Variants in GSK3B observed in about 807,000 individuals in gnomAD.
The protein encoded by GSK3B is glycogen synthase kinase-3 beta.
GSK3B carries 15 observed loss-of-function variants against 56.4 expected under a neutral mutation model. The observed-to-expected ratio is 0.27, with a 90% CI of 0.18 to 0.41. The LOEUF is 0.41. Among genes scored for constraint, GSK3B ranks in the 10% least tolerant of loss-of-function variants. GSK3B has a pLI of 1.00. For missense variants in GSK3B, 300 were observed against 513.4 expected (o/e 0.58, Z 4.02); for synonymous variants, 181 against 188.9 (o/e 0.96, Z 0.34).
At chr3:120,007,795 A>T (rs1576266786) in intron 1 of GSK3B, among the ~76,000 whole-genome samples, 1 of 152,224 alleles carries the variant, frequency 6.6e-6, no homozygotes, top group South Asian at 2.1e-4. Context: ...TTTATGACAA[A>T]CCAACAGCCA....
At chr3:120,000,381 T>C (rs2057664271) in intron 2 of GSK3B, among the ~76,000 whole-genome samples, 1 of 152,144 alleles carries the variant, frequency 6.6e-6, no homozygotes, top group African/African-American at 2.4e-5. Flanking sequence ...TTTGACAACA[T>C]GAGACTAGTA....
intron 10 of GSK3B, among the ~76,000 whole-genome samples, chr3:119,831,734 A>G (rs2055603707): frequency 6.6e-6 from 1 of 152,134 alleles, no homozygotes; most frequent in African/African-American, 2.4e-5. Context: ...CTTTATTTTC[A>G]GTATGGGGTG....
Position 119,863,625 on chromosome 3 carries a change from A to C in GSK3B, c.910-20T>G, listed in dbSNP as rs776672790. 1 of 1,501,002 alleles carries C rather than the reference A, an allele frequency of 6.7e-7. No homozygotes were observed. Among genetic ancestry groups the C allele is most frequent in the Non-Finnish European group, 9.3e-7 (1 of 1,080,418 alleles). The allele number at this position is 1,501,002 out of a possible 1,614,324, so 93.0% of individuals were successfully genotyped here. A position where few individuals can be genotyped will look rare whatever the true frequency, so the allele number is the denominator to read the frequency against. On this transcript the variant is annotated intron_variant, in intron 8 of 10. Transcript: ENST00000264235. The stretch of plus-strand genomic sequence containing the variant: ...GAAGACCTGCAGTACAAAAAAAGGG[A>C]AAGAACAATTAATGTTTTATTTTAA...
In GSK3B at chr3:120,094,317, C is replaced by A; in HGVS notation, c.-883G>T. The A allele has an allele frequency of 3.7e-6, 1 of 270,294 alleles. No individual in the cohort carries two copies. Among genetic ancestry groups the A allele is most frequent in the South Asian group, 6.0e-5 (1 of 16,578 alleles). The allele number at this position is 270,294 out of a possible 1,614,324, so 16.7% of individuals were successfully genotyped here. The stretch of plus-strand genomic sequence containing the variant: ...GAAGTGTCCGCGCTTTGCCCCAGCC[C>A]AGAGCCCTGTCAGCGGCTGCGGGGC... On this transcript the variant is annotated 5_prime_UTR_variant, in exon 1 of 11. Transcript: ENST00000264235.
At chr3:119,910,321 C>T (rs545712166) in intron 6 of GSK3B, among the ~76,000 whole-genome samples, 3 of 152,132 alleles carry the variant, frequency 2.0e-5, no homozygotes, top group South Asian at 4.2e-4. Context: ...GGTTCCAGAC[C>T]ATAACAATAA....
At chr3:119,831,803 G>A (rs538152656) in intron 10 of GSK3B, among the ~76,000 whole-genome samples, 1 of 152,298 alleles carries the variant, frequency 6.6e-6, no homozygotes, top group African/African-American at 2.4e-5. Flanking sequence ...TGACTTTGAA[G>A]CTTCCTATAA....
chr3:119,991,862 A>C (rs2057569830), intron 2 of GSK3B, among the ~76,000 whole-genome samples: 1 of 152,092 alleles, frequency 6.6e-6, no homozygotes, highest in Non-Finnish European at 1.5e-5. Flanking sequence ...ATGTAGAATA[A>C]AAAACAAGAA....
At chr3:119,988,195 G>A (rs2057534037) in intron 2 of GSK3B, among the ~76,000 whole-genome samples, 1 of 152,158 alleles carries the variant, frequency 6.6e-6, no homozygotes, top group African/African-American at 2.4e-5. Flanking sequence ...AGCATGACAG[G>A]AATTAATTCC....
intron 2 of GSK3B, among the ~76,000 whole-genome samples, chr3:119,970,613 T>TAAA (rs1170925404): frequency 2.6e-5 from 3 of 114,284 alleles, no homozygotes; most frequent in Admixed American, 9.3e-5. Flanking sequence ...CTACTAAAAT[T>TAAA]AAAAAAAAAA....
chr3:120,022,643 G>C (rs1391008689), intron 1 of GSK3B, among the ~76,000 whole-genome samples: 2 of 152,090 alleles, frequency 1.3e-5, no homozygotes, highest in Admixed American at 6.5e-5. Context: ...ATTCAAATAG[G>C]GCAAGTCCAA....
chr3:120,019,490 T>G (rs763141534), intron 1 of GSK3B, among the ~76,000 whole-genome samples: 1 of 152,224 alleles, frequency 6.6e-6, no homozygotes, highest in African/African-American at 2.4e-5. Flanking sequence ...ATGAAATCTA[T>G]CTCAAACAAT....
rs1025945315 is a variant in GSK3B at position 119,825,113 on chromosome 3, C to T, written c.*1675G>A. On this transcript the variant is annotated 3_prime_UTR_variant, in exon 11 of 11. Coordinates refer to ENST00000264235, the MANE Select transcript of GSK3B (RefSeq NM_001146156.2). ...GGAAGGAGCGGGTAGGAGGGAAAGG[C>T]GGCCATCACTCAAGTGATCTTTAAA... 5 of 205,378 alleles carry T rather than the reference C, an allele frequency of 2.4e-5. No individual in the cohort carries two copies. The highest frequency in any genetic ancestry group is 1.5e-4 in the East Asian group (2 of 13,482). The allele number at this position is 205,378 out of a possible 1,614,324, so 12.7% of individuals were successfully genotyped here.
At chr3:119,849,794 C>A (rs1291853188) in intron 9 of GSK3B, among the ~76,000 whole-genome samples, 1 of 151,962 alleles carries the variant, frequency 6.6e-6, no homozygotes, top group African/African-American at 2.4e-5. Context: ...CTACACAGAG[C>A]CTCTCATATA....
At chr3:119,973,660 T>G (rs1559859759) in intron 2 of GSK3B, among the ~76,000 whole-genome samples, 1 of 152,358 alleles carries the variant, frequency 6.6e-6, no homozygotes, top group East Asian at 1.9e-4. Context: ...AGGGAGATAA[T>G]CCACATTCAT....
intron 7 of GSK3B, among the ~76,000 whole-genome samples, chr3:119,900,647 T>G (rs755806780): frequency 4.7e-4 from 71 of 152,108 alleles, no homozygotes; most frequent in Non-Finnish European, 8.7e-4. Context: ...ATAATCAAAC[T>G]TACGAAAACC....
At chr3:119,851,215 A>C (rs1229537654) in intron 9 of GSK3B, among the ~76,000 whole-genome samples, 1 of 152,250 alleles carries the variant, frequency 6.6e-6, no homozygotes, top group Admixed American at 6.5e-5. Context: ...AAAAGTTAAC[A>C]AAATCCATTT....
rs3835183 is a variant in GSK3B at position 119,824,329 on chromosome 3, GCACACACA to G, written c.*2451_*2458del. Reference sequence around the variant, plus strand: ...TGAGAAAGAAAAATCACACATCTCAGCACACACACACACACACACACACGCACACATGC... The same window carrying G: ...TGAGAAAGAAAAATCACACATCTCAGCACACACACACACACGCACACATGC... On this transcript the variant is annotated 3_prime_UTR_variant, in exon 11 of 11. Transcript: ENST00000264235. 33 of 213,354 alleles carry G rather than the reference GCACACACA, an allele frequency of 1.5e-4. No individual in the cohort carries two copies. The highest frequency in any genetic ancestry group is 1.5e-3 in the Middle Eastern group (1 of 686). The allele number at this position is 213,354 out of a possible 1,614,324, so 13.2% of individuals were successfully genotyped here.
Position 119,985,924 on chromosome 3 carries a change from A to C in GSK3B, c.282+16122T>G, listed in dbSNP as rs371846272. Among the ~76,000 whole-genome samples the C allele has an allele frequency of 1.2e-4, 19 of 152,328 alleles. No individual in the cohort carries two copies. The South Asian group carries it at 3.3e-3, about 27-fold the overall frequency. ...AAAGCTAGAGGCATCATGCTACCTG[A>C]CTTCAAACTATACTACAAGGCTACA... is the stretch of plus-strand genomic sequence containing the variant. On this transcript the variant is annotated intron_variant, in intron 2 of 10. Transcript: ENST00000264235.
At chr3:119,917,659 CTTTT>C (rs552373286) in intron 4 of GSK3B, among the ~76,000 whole-genome samples, 1 of 123,622 alleles carries the variant, frequency 8.1e-6, no homozygotes, top group South Asian at 2.6e-4. Flanking sequence ...AACGAGTTTT[CTTTT>C]TTTTTTTTAA....
Sources: gnomAD v4.1 joint callset for allele counts (sites outside exome capture counted in the v4.1 genomes callset) on GRCh38, gnomAD v4.1.1 for gene constraint, MANE v1.5 for transcripts, NCBI Gene and HGNC (gene_info 2026-07-23, HGNC 2026-07-21) for gene names.